The following SSBP2 variants were observed in gnomAD, a reference collection of about 807,000 sequenced individuals.
The protein encoded by SSBP2 is single-stranded DNA-binding protein 2.
Under a neutral mutation model 61.8 loss-of-function variants are expected in SSBP2, and 17 were observed. The ratio of observed to expected loss-of-function variants is 0.28; its 90% CI spans 0.19 to 0.41. The LOEUF is 0.41. Ranked by LOEUF, SSBP2 falls within the 10% of genes least tolerant of loss-of-function variation. The pLI is 1.00. For missense variants in SSBP2, 310 were observed against 458.7 expected (o/e 0.68, Z 2.96); for synonymous variants, 139 against 141.3 (o/e 0.98, Z 0.12).
At chr5:81,460,351 A>G (rs1379876946) in intron 10 of SSBP2, among the ~76,000 whole-genome samples, 2 of 152,220 alleles carry the variant, frequency 1.3e-5, no homozygotes, top group East Asian at 1.9e-4. Context: ...CTTCTCTCAC[A>G]TATCGAAGAA....
chr5:81,593,307 A>C (rs10214224), intron 4 of SSBP2, among the ~76,000 whole-genome samples: 14,661 of 152,130 alleles, frequency 0.096, 1,304 homozygotes, highest in African/African-American at 0.24. Flanking sequence ...AATAAAAAGA[A>C]CCGAACAAAG....
intron 1 of SSBP2, among the ~76,000 whole-genome samples, chr5:81,652,433 A>G (rs1581255740): frequency 6.6e-6 from 1 of 152,252 alleles, no homozygotes; most frequent in East Asian, 1.9e-4. Context: ...ATTGGAAGGA[A>G]CTGAGAATAA....
chr5:81,639,699 C>T (rs562194253), intron 2 of SSBP2, among the ~76,000 whole-genome samples: 2 of 151,486 alleles, frequency 1.3e-5, no homozygotes, highest in Admixed American at 6.6e-5. Context: ...TGTAACAATA[C>T]CCCAATCAGT....
At chr5:81,665,539 G>A (rs377718615) in intron 1 of SSBP2, among the ~76,000 whole-genome samples, 2 of 152,134 alleles carry the variant, frequency 1.3e-5, no homozygotes, top group East Asian at 3.8e-4. Context: ...TGTCGCCCAG[G>A]CTGGAGTGCA....
At chr5:81,728,166 G>C (rs1461536780) in intron 1 of SSBP2, among the ~76,000 whole-genome samples, 3 of 152,158 alleles carry the variant, frequency 2.0e-5, no homozygotes, top group Admixed American at 2.0e-4. Flanking sequence ...AAAGGTAATG[G>C]GGAGTGACAT....
rs1425988492 is a variant in SSBP2, at chr5:81,488,063, A to ACATTATATATAT, written c.432+1186_432+1187insATATATATAATG. ...TATATATATATATATATATATAAAT[A>ACATTATATATAT]AAATATCATATATTATATATATACA... On this transcript the variant is annotated intron_variant, in intron 6 of 16. Coordinates refer to ENST00000320672, the MANE Select transcript of SSBP2 (RefSeq NM_012446.5). Among the ~76,000 whole-genome samples, 88 of 93,766 alleles carry ACATTATATATAT rather than the reference A, an allele frequency of 9.4e-4. 2 individuals are homozygous for ACATTATATATAT. The highest frequency in any genetic ancestry group is 1.8e-3 in the Non-Finnish European group (72 of 40,378). 61.5% of individuals were successfully genotyped at this position (93,766 alleles called of 152,430 possible).
At chr5:81,516,508 C>T (rs1769027653) in intron 4 of SSBP2, among the ~76,000 whole-genome samples, 1 of 151,938 alleles carries the variant, frequency 6.6e-6, no homozygotes, top group Non-Finnish European at 1.5e-5. Flanking sequence ...GCATTTCAGC[C>T]CAAACTTCAC....
chr5:81,533,483 G>C (rs562258123), intron 4 of SSBP2, among the ~76,000 whole-genome samples: 1 of 151,974 alleles, frequency 6.6e-6, no homozygotes, highest in Non-Finnish European at 1.5e-5. Flanking sequence ...AATATCTTTA[G>C]CAAAATATGA....
intron 4 of SSBP2, among the ~76,000 whole-genome samples, chr5:81,515,053 C>T (rs1352798677): frequency 6.6e-6 from 1 of 151,878 alleles, no homozygotes; most frequent in East Asian, 1.9e-4. Flanking sequence ...TACCATTTGT[C>T]AGTTATTGCT....
At chr5:81,592,144 C>T (rs1027786630) in intron 4 of SSBP2, among the ~76,000 whole-genome samples, 22 of 152,338 alleles carry the variant, frequency 1.4e-4, no homozygotes, top group Non-Finnish European at 2.2e-4. Flanking sequence ...CCTAATACTG[C>T]GCTTTTCCAA....
chr5:81,734,134 G>A (rs1756443634), intron 1 of SSBP2, among the ~76,000 whole-genome samples: 1 of 152,110 alleles, frequency 6.6e-6, no homozygotes, highest in South Asian at 2.1e-4. Context: ...TGAATTGGTA[G>A]ATATGGAAAA....
intron 1 of SSBP2, among the ~76,000 whole-genome samples, chr5:81,708,102 C>T (rs972155075): frequency 7.9e-5 from 12 of 152,112 alleles, no homozygotes; most frequent in Admixed American, 2.0e-4. Flanking sequence ...TATAACCCCC[C>T]GCTAAGACAC....
chr5:81,636,523 T>A (rs747292259), intron 3 of SSBP2, 34 bp downstream of exon 3: 1 of 1,548,828 alleles, frequency 6.5e-7, no homozygotes, highest in Non-Finnish European at 8.9e-7. Flanking sequence ...AAATGCATCA[T>A]CAAGCCAGTA....
chr5:81,424,030 G>A (rs1761787355), intron 16 of SSBP2, among the ~76,000 whole-genome samples: 1 of 152,128 alleles, frequency 6.6e-6, no homozygotes, highest in Non-Finnish European at 1.5e-5. Context: ...AAAAGAGTGA[G>A]GTTGGCCCAG....
At chr5:81,471,919 T>A (rs1765273729) in intron 8 of SSBP2, among the ~76,000 whole-genome samples, 1 of 152,070 alleles carries the variant, frequency 6.6e-6, no homozygotes, top group African/African-American at 2.4e-5. Flanking sequence ...ATATGTTGGT[T>A]AGAAACAATG....
chr5:81,749,676 A>AGG (rs146457727), intron 1 of SSBP2, among the ~76,000 whole-genome samples: 177 of 136,976 alleles, frequency 1.3e-3, no homozygotes, highest in East Asian at 9.0e-3. Flanking sequence ...TAAAAAAAAA[A>AGG]GGGGGGGGTT....
intron 16 of SSBP2, among the ~76,000 whole-genome samples, chr5:81,426,576 G>A (rs765511362): frequency 2.0e-5 from 3 of 152,306 alleles, no homozygotes; most frequent in Middle Eastern, 3.4e-3. Context: ...AGCTGCTCTC[G>A]TTTCTAAATG....
intron 1 of SSBP2, among the ~76,000 whole-genome samples, chr5:81,681,242 A>C (rs1752354260): frequency 6.6e-6 from 1 of 151,962 alleles, no homozygotes; most frequent in Non-Finnish European, 1.5e-5. Flanking sequence ...AAATATGGTC[A>C]GGCGCGGTGG....
At chr5:81,596,776 G>A (rs979270286) in intron 4 of SSBP2, among the ~76,000 whole-genome samples, 1 of 128,740 alleles carries the variant, frequency 7.8e-6, no homozygotes, top group African/African-American at 3.2e-5. Flanking sequence ...TGGGAAAACT[G>A]GCTAGCCACA....
Sources: gnomAD v4.1 joint callset for allele counts (sites outside exome capture counted in the v4.1 genomes callset) on GRCh38, gnomAD v4.1.1 for gene constraint, MANE v1.5 for transcripts, NCBI Gene and HGNC (gene_info 2026-07-23, HGNC 2026-07-21) for gene names.